The following AP3D1 variants were observed in gnomAD, a reference collection of about 807,000 sequenced individuals.
AP3D1 encodes AP-3 complex subunit delta-1.
In AP3D1, 51 loss-of-function variants were observed where a neutral mutation model predicts 147.6. The ratio of observed to expected loss-of-function variants is 0.35; its 90% CI spans 0.28 to 0.44. The LOEUF (loss-of-function observed/expected upper bound fraction) is 0.44, where lower values mean the gene tolerates loss of function less well. Among genes scored for constraint, AP3D1 ranks in the 20% least tolerant of loss-of-function variants. The pLI, the probability that AP3D1 is intolerant of heterozygous loss-of-function variation, is 1.00. For missense variants in AP3D1, 1,421 were observed against 1,624.2 expected (o/e 0.87, Z 2.15); for synonymous variants, 760 against 663.0 (o/e 1.15, Z -2.25).
At chr19:2,118,943 C>G (rs528333437) in intron 14 of AP3D1, 111 bp from the exon 15 acceptor site, 1 of 1,013,910 alleles carries the variant, frequency 9.9e-7, no homozygotes, top group Admixed American at 2.6e-5. Flanking sequence ...ACTCTGGGCC[C>G]TTCCCATTCC....
At chr19:2,125,357 C>G (rs1390389221) in intron 9 of AP3D1, among the ~76,000 whole-genome samples, 1 of 152,012 alleles carries the variant, frequency 6.6e-6, no homozygotes, top group African/African-American at 2.4e-5. Flanking sequence ...CTCTTGTTGC[C>G]CAGGCTGGAG....
intron 1 of AP3D1, among the ~76,000 whole-genome samples, chr19:2,142,152 G>A (rs530834590): frequency 6.6e-6 from 1 of 151,932 alleles, no homozygotes; most frequent in East Asian, 1.9e-4. Flanking sequence ...CCAGTAGCTG[G>A]GGTTACAAGC....
At chr19:2,112,691 T>TA (rs953807767) in intron 24 of AP3D1, 169 bp downstream of exon 24, 6 of 560,624 alleles carry the variant, frequency 1.1e-5, no homozygotes, top group Non-Finnish European at 1.6e-5. Flanking sequence ...AGAAGGTTAT[T>TA]AAAAAAACAC....
Position 2,102,126 on chromosome 19 carries a change from C to T in AP3D1, c.*47G>A. The T allele has an allele frequency of 6.7e-7, 1 of 1,503,286 alleles. No individual in the cohort carries two copies. Among genetic ancestry groups the T allele is most frequent in the South Asian group, 1.1e-5 (1 of 88,544 alleles). 93.1% of individuals were successfully genotyped at this position (1,503,286 alleles called of 1,614,324 possible). On this transcript the variant is annotated 3_prime_UTR_variant, in exon 32 of 32. Transcript: ENST00000643116. Reference sequence around the variant, plus strand: ...AGGCGAGACACGTCAGGGCTGCGGTCCCTGGGTACGTGCTCCGCGGGGTGG... The same window carrying T: ...AGGCGAGACACGTCAGGGCTGCGGTTCCTGGGTACGTGCTCCGCGGGGTGG...
intron 2 of AP3D1, 116 bp from the exon 3 acceptor site, chr19:2,137,923 G>T: frequency 2.5e-6 from 2 of 814,198 alleles, no homozygotes; most frequent in Non-Finnish European, 2.0e-6. Flanking sequence ...CTCATTCACT[G>T]TCAGCAAACC....
intron 1 of AP3D1, among the ~76,000 whole-genome samples, chr19:2,161,472 G>C (rs1446160758): frequency 6.6e-6 from 1 of 151,878 alleles, no homozygotes; most frequent in Non-Finnish European, 1.5e-5. Flanking sequence ...GTCTGGGCCT[G>C]ATAATTAAAA....
chr19:2,116,423 C>G (rs894563063), intron 17 of AP3D1, 145 bp from the exon 18 acceptor site: 1 of 1,223,208 alleles, frequency 8.2e-7, no homozygotes, highest in African/African-American at 1.5e-5. Context: ...AACCAAGGCC[C>G]GCAATTGGGA....
At chr19:2,149,543 C>CA (rs34338190) in intron 1 of AP3D1, among the ~76,000 whole-genome samples, 45,527 of 114,778 alleles carry the variant, frequency 0.4, 8,987 homozygotes, top group Non-Finnish European at 0.48. Flanking sequence ...AACTCCGTCT[C>CA]AAAAAAAAAA....
At chr19:2,117,538 C>A (rs986243938) in intron 15 of AP3D1, among the ~76,000 whole-genome samples, 171 bp from the exon 16 acceptor site, 4 of 152,224 alleles carry the variant, frequency 2.6e-5, no homozygotes, top group South Asian at 4.1e-4. Flanking sequence ...ATCATCCTCG[C>A]CAGGAAGCGG....
At position 2,101,473 on chromosome 19, in the gene AP3D1, C is replaced by G. The variant is rs574435176; in HGVS notation, c.*700G>C. 6.9e-6 allele frequency: 1 copy of G among 143,996 alleles called. No homozygotes were observed. The highest frequency in any genetic ancestry group is 2.7e-5 in the African/African-American group (1 of 36,988). The allele number at this position is 143,996 out of a possible 1,614,324, so 8.9% of individuals were successfully genotyped here. On this transcript the variant is annotated 3_prime_UTR_variant, in exon 32 of 32. Transcript: ENST00000643116. ...GATGCGGACCACCCCAAACCCAAGC[C>G]GAGATGCACTTCTGCTGACCAGGAA...
chr19:2,160,074 C>T (rs2019683699), intron 1 of AP3D1, among the ~76,000 whole-genome samples: 1 of 149,698 alleles, frequency 6.7e-6, no homozygotes, highest in South Asian at 2.2e-4. Flanking sequence ...TGGTATTGAA[C>T]TCCTGACCTC....
chr19:2,131,212 G>A (rs1009198523), intron 5 of AP3D1, among the ~76,000 whole-genome samples: 6 of 152,284 alleles, frequency 3.9e-5, no homozygotes, highest in African/African-American at 1.4e-4. Flanking sequence ...TGATCTAGAA[G>A]CTTAGCAGGC....
chr19:2,150,303 A>G (rs1057407175), intron 1 of AP3D1, among the ~76,000 whole-genome samples: 5 of 152,166 alleles, frequency 3.3e-5, no homozygotes, highest in African/African-American at 1.2e-4. Flanking sequence ...TCGCTCAAGT[A>G]GGACACTTTC....
At chr19:2,153,376 A>T (rs2144591258), upstream of AP3D1, among the ~76,000 whole-genome samples, 1 of 141,374 alleles carries the variant, frequency 7.1e-6, no homozygotes, top group Admixed American at 6.9e-5. Context: ...ATGGTCTCAA[A>T]AAAGAAGTGG....
Position 2,138,638 on chromosome 19 carries a change from G to C in AP3D1, c.173C>G (p.Ala58Gly). 1 of 1,613,890 alleles carries C rather than the reference G, an allele frequency of 6.2e-7. No individual in the cohort carries two copies. The highest frequency in any genetic ancestry group is 8.5e-7 in the Non-Finnish European group (1 of 1,179,952). Residue 58 changes from alanine (A) to glycine (G), a missense_variant, in exon 2 of 32, where the codon GCG (alanine) becomes GGG (glycine). This residue lies in a region of AP3D1 where 292 missense variants were observed against 412.0 expected (regional missense o/e 0.71). Transcript: ENST00000643116. ...KQDNIAVKAN[A>G]VCKLTYLQML... ...ACTTACATACGTCAGCTTGCAGACC[G>C]CGTTCGCCTTCACCGCTATGTTGTC...
At chr19:2,126,571 G>A (rs909722444) in intron 9 of AP3D1, among the ~76,000 whole-genome samples, 6 of 150,606 alleles carry the variant, frequency 4.0e-5, no homozygotes, top group African/African-American at 9.8e-5. Context: ...GGAGAATGGC[G>A]TGAACCTGGG....
Position 2,137,087 on chromosome 19 carries a change from A to G in AP3D1, c.278T>C (p.Ile93Thr), listed in dbSNP as rs2019096478. 1 of 1,583,102 alleles carries G rather than the reference A, an allele frequency of 6.3e-7. No homozygotes were observed. Among genetic ancestry groups the G allele is most frequent in the Non-Finnish European group, 8.6e-7 (1 of 1,164,686 alleles). The change falls in exon 4 of 32, where the codon ATT becomes ACT. Residue 93 changes from isoleucine to threonine, a missense_variant. Coordinates refer to ENST00000643116, the MANE Select transcript of AP3D1 (RefSeq NM_001261826.3). ...MSASKFTFKR[I>T]GYLAASQSFH... ...GCTCTGGGAAGCAGCGAGGTAGCCAATTCGCTGGGAGAGAACAGATGAGCA... is the reference window on the plus strand; with the variant it reads ...GCTCTGGGAAGCAGCGAGGTAGCCAGTTCGCTGGGAGAGAACAGATGAGCA...
At chr19:2,159,394 GT>G (rs951223199) in intron 1 of AP3D1, among the ~76,000 whole-genome samples, 227 of 123,158 alleles carry the variant, frequency 1.8e-3, no homozygotes, top group African/African-American at 4.9e-3. Flanking sequence ...AATTTTTTTT[GT>G]TTTTTTTTTT....
chr19:2,118,680 C>T lies in AP3D1; in HGVS notation c.1634G>A (p.Gly545Asp). 6.2e-7 allele frequency: 1 copy of T among 1,613,268 alleles called. No homozygotes were observed. Among genetic ancestry groups the T allele is most frequent in the South Asian group, 1.1e-5 (1 of 91,088 alleles). Reference sequence around the variant, plus strand: ...CATGAGCTGGGTGACGGCCTGAGCGCCCTCTGCCTCCCCGGCCTGCTCCTT... The same window carrying T: ...CATGAGCTGGGTGACGGCCTGAGCGTCCTCTGCCTCCCCGGCCTGCTCCTT... ...QQKEQAGEAEGAQAVTQLMVD... is the reference protein window; with the variant it reads ...QQKEQAGEAEDAQAVTQLMVD... The change falls in exon 15 of 32, where the codon GGC becomes GAC. Residue 545 changes from glycine to aspartate, a missense_variant. Transcript: ENST00000643116.
Sources: allele counts gnomAD v4.1 joint callset (sites outside exome capture counted in the v4.1 genomes callset), GRCh38; gene constraint gnomAD v4.1.1; regional missense constraint gnomAD v4.1.1; transcripts MANE v1.5; gene names NCBI Gene and HGNC (gene_info 2026-07-23, HGNC 2026-07-21).